Variants in ASCC3 observed in about 807,000 individuals in gnomAD.
The protein encoded by ASCC3 is activating signal cointegrator 1 complex subunit 3, also known as ASC-1 complex subunit P200.
ASCC3 carries 158 observed loss-of-function variants against 256.3 expected under a neutral mutation model. That is an observed-to-expected ratio of 0.62 (90% confidence interval 0.54 to 0.70). The LOEUF (loss-of-function observed/expected upper bound fraction) is 0.70, where lower values mean the gene tolerates loss of function less well. Ranked by LOEUF, ASCC3 falls within the 30% of genes least tolerant of loss-of-function variation. ASCC3 has a pLI of 0.00. For synonymous variants in ASCC3, 948 were observed against 883.4 expected (o/e 1.07, Z -1.30); for missense variants, 2,259 against 2,626.0 (o/e 0.86, Z 3.05).
At chr6:100,709,952 C>G (rs1448003750) in intron 13 of ASCC3, among the ~76,000 whole-genome samples, 2 of 152,080 alleles carry the variant, frequency 1.3e-5, no homozygotes, top group African/African-American at 2.4e-5. Flanking sequence ...AACCTGAAGT[C>G]CCACTCTTAC....
intron 11 of ASCC3, among the ~76,000 whole-genome samples, chr6:100,723,544 A>G (rs1779445195): frequency 6.6e-6 from 1 of 151,652 alleles, no homozygotes; most frequent in Admixed American, 6.6e-5. Context: ...AACTTTTAAA[A>G]AATACATTAT....
Position 100,799,568 on chromosome 6 carries a change from G to A in ASCC3, c.1132C>T (p.Gln378Ter), listed in dbSNP as rs778129893. 2 of 1,611,956 alleles carry A rather than the reference G, an allele frequency of 1.2e-6. No homozygotes were observed. Among genetic ancestry groups the A allele is most frequent in the Admixed American group, 1.7e-5 (1 of 59,888 alleles). Reference protein sequence around the residue: ...DPKELRIQREQALLNARSVPI... With the variant: ...DPKELRIQRE ...ACACTTCTAGCATTCAGAAGTGCCT[G>A]TTCTCTGTAAACATAAAAATAGGCC... is the stretch of plus-strand genomic sequence containing the variant. The change falls in exon 7 of 42, where the codon CAG (glutamine) becomes TAG (stop). Residue 378 changes from glutamine to a stop codon, truncating the protein, a stop_gained. Coordinates refer to ENST00000369162, the MANE Select transcript of ASCC3 (RefSeq NM_006828.4). LOFTEE classifies it high-confidence loss of function.
intron 13 of ASCC3, among the ~76,000 whole-genome samples, chr6:100,685,666 C>T (rs1777535720): frequency 6.6e-6 from 1 of 152,166 alleles, no homozygotes. Flanking sequence ...AGTGGGAAAA[C>T]AGTGTTGTAT....
intron 37 of ASCC3, among the ~76,000 whole-genome samples, chr6:100,529,976 A>G (rs1335798843): frequency 6.6e-6 from 1 of 151,980 alleles, no homozygotes; most frequent in East Asian, 1.9e-4. Context: ...AGGGCCCATC[A>G]TTAAATCGTG....
At chr6:100,641,289 T>C (rs898681349) in intron 24 of ASCC3, among the ~76,000 whole-genome samples, 2 of 152,186 alleles carry the variant, frequency 1.3e-5, no homozygotes, top group African/African-American at 2.4e-5. Flanking sequence ...CGTACCCCTT[T>C]ATAATGTTAG....
intron 37 of ASCC3, among the ~76,000 whole-genome samples, chr6:100,531,330 A>G (rs1197240702): frequency 6.6e-6 from 1 of 152,102 alleles, no homozygotes; most frequent in Admixed American, 6.6e-5. Flanking sequence ...ATTCTCCCAT[A>G]AGTCCTAGAA....
rs79115396 is a variant in ASCC3, at chr6:100,607,833, G to A, written c.4786-745C>T. 4.9e-3 allele frequency among the ~76,000 whole-genome samples: 737 copies of A among 150,822 alleles called. 5 individuals carry two copies. The highest frequency in any genetic ancestry group is 0.017 in the African/African-American group (704 of 41,184). On this transcript the variant is annotated intron_variant, in intron 30 of 41. Coordinates refer to ENST00000369162, the MANE Select transcript of ASCC3 (RefSeq NM_006828.4). ...ATATTATTTAAAAAATCAAACTGGT[G>A]TATTTTTGTTTACTTCTTATCTTCG...
At position 100,541,926 on chromosome 6, in the gene ASCC3, A is replaced by G. The variant is rs185964639; in HGVS notation, c.5551-1539T>C. Among the ~76,000 whole-genome samples the G allele has an allele frequency of 3.3e-5, 5 of 152,296 alleles. No individual in the cohort carries two copies. The East Asian group carries it at 9.6e-4, about 29-fold the overall frequency. On this transcript the variant is annotated intron_variant, in intron 36 of 41. Transcript: ENST00000369162. ...AATGTCTGAGATGAAAAATACACTG[A>G]ATTTTATTAATGGAAGAATACACAT...
intron 8 of ASCC3, among the ~76,000 whole-genome samples, chr6:100,781,301 ATAGT>A (rs1782435641): frequency 6.6e-6 from 1 of 152,176 alleles, no homozygotes; most frequent in Admixed American, 6.5e-5. Context: ...ATTTTTTTCT[ATAGT>A]TATTCACTGA....
chr6:100,608,117 T>TA (rs1562161146), intron 30 of ASCC3, among the ~76,000 whole-genome samples: 1 of 47,868 alleles, frequency 2.1e-5, no homozygotes, highest in Non-Finnish European at 4.8e-5. Flanking sequence ...TGTATATATA[T>TA]CTATATATAC....
At chr6:100,795,426 A>G (rs1334276441) in intron 8 of ASCC3, among the ~76,000 whole-genome samples, 7 of 152,244 alleles carry the variant, frequency 4.6e-5, no homozygotes, top group Non-Finnish European at 8.8e-5. Context: ...AAAGAGGAGA[A>G]AAAAATCTGA....
intron 13 of ASCC3, among the ~76,000 whole-genome samples, chr6:100,707,455 TG>T (rs1778657891): frequency 6.6e-6 from 1 of 152,124 alleles, no homozygotes; most frequent in African/African-American, 2.4e-5. Flanking sequence ...AAGCTACCTC[TG>T]GTAGTGGAAT....
At chr6:100,777,485 T>C (rs1457209650) in intron 8 of ASCC3, among the ~76,000 whole-genome samples, 1 of 151,976 alleles carries the variant, frequency 6.6e-6, no homozygotes, top group African/African-American at 2.4e-5. Context: ...CAAAAAAAAA[T>C]CAACATGTTT....
At chr6:100,664,719 C>A (rs1007086911) in intron 14 of ASCC3, among the ~76,000 whole-genome samples, 14 of 152,122 alleles carry the variant, frequency 9.2e-5, no homozygotes, top group African/African-American at 3.4e-4. Flanking sequence ...AATCTTAAAG[C>A]AGCTCTTATG....
intron 36 of ASCC3, among the ~76,000 whole-genome samples, chr6:100,587,506 T>C (rs949813871): frequency 2.0e-5 from 3 of 152,178 alleles, no homozygotes; most frequent in South Asian, 2.1e-4. Flanking sequence ...GTGAGTCCTA[T>C]GGTTCTTCAT....
At chr6:100,636,456 C>T (rs1424217822) in intron 25 of ASCC3, among the ~76,000 whole-genome samples, 1 of 152,134 alleles carries the variant, frequency 6.6e-6, no homozygotes, top group Non-Finnish European at 1.5e-5. Context: ...CTCAGGCCTC[C>T]TTCTTCCCTA....
chr6:100,773,840 G>A (rs1266664412), intron 8 of ASCC3, among the ~76,000 whole-genome samples: 1 of 152,114 alleles, frequency 6.6e-6, no homozygotes, highest in Non-Finnish European at 1.5e-5. Flanking sequence ...GATATACACT[G>A]CATACATAAT....
intron 36 of ASCC3, among the ~76,000 whole-genome samples, chr6:100,568,237 G>A (rs1172687964): frequency 4.6e-5 from 7 of 151,848 alleles, no homozygotes; most frequent in Admixed American, 1.3e-4. Flanking sequence ...GCATGGTGGT[G>A]GGCGCCTATA....
intron 25 of ASCC3, among the ~76,000 whole-genome samples, chr6:100,634,205 T>G (rs1774708459): frequency 1.3e-5 from 2 of 152,196 alleles, no homozygotes; most frequent in South Asian, 4.1e-4. Context: ...ATCAGGGTAA[T>G]TAGCATATCC....
Sources: gnomAD v4.1 joint callset for allele counts (sites outside exome capture counted in the v4.1 genomes callset) on GRCh38, gnomAD v4.1.1 for gene constraint, MANE v1.5 for transcripts, NCBI Gene and HGNC (gene_info 2026-07-23, HGNC 2026-07-21) for gene names.